The following ROCK1 variants were observed in gnomAD, a reference collection of about 807,000 sequenced individuals.
ROCK1 encodes rho-associated protein kinase 1.
A neutral mutation model predicts 196.8 loss-of-function variants in ROCK1; 36 were observed. The ratio of observed to expected loss-of-function variants is 0.18; its 90% CI spans 0.14 to 0.24. The LOEUF (loss-of-function observed/expected upper bound fraction) is 0.24, where lower values mean the gene tolerates loss of function less well. Among genes scored for constraint, ROCK1 ranks in the 10% least tolerant of loss-of-function variants. ROCK1 has a pLI of 1.00. For synonymous variants in ROCK1, 443 were observed against 515.9 expected, an observed-to-expected ratio of 0.86 and a Z score of 1.91; for missense variants, 920 against 1,562.0, an observed-to-expected ratio of 0.59 and a Z score of 6.93.
intron 1 of ROCK1, among the ~76,000 whole-genome samples, chr18:21,074,054 A>T (rs1012331452): frequency 2.0e-5 from 3 of 152,140 alleles, no homozygotes; most frequent in African/African-American, 7.2e-5. Flanking sequence ...GCTACTTGAG[A>T]GGCTGAGGCA....
chr18:21,058,861 G>C (rs1253690318), intron 2 of ROCK1, among the ~76,000 whole-genome samples: 2 of 152,114 alleles, frequency 1.3e-5, no homozygotes, highest in African/African-American at 4.8e-5. Flanking sequence ...TTACAGATGT[G>C]AGCCACTGCA....
rs181102618 is a variant in ROCK1, at chr18:21,034,905, A to G, written c.1051+4567T>C. On this transcript the variant is annotated intron_variant, in intron 9 of 32. Transcript: ENST00000399799. Reference sequence around the variant, plus strand: ...AGAGATTAATATCCAAAATTTTTAAAGAACTCCTATAACTCAACAACAACA... The same window carrying G: ...AGAGATTAATATCCAAAATTTTTAAGGAACTCCTATAACTCAACAACAACA... Among the ~76,000 whole-genome samples the G allele has an allele frequency of 3.8e-3, 582 of 152,340 alleles. 1 individual carries two copies. The highest frequency in any genetic ancestry group is 0.01 in the Middle Eastern group (3 of 294).
At chr18:21,104,648 C>T (rs554072106) in intron 1 of ROCK1, among the ~76,000 whole-genome samples, 101 of 152,038 alleles carry the variant, frequency 6.6e-4, no homozygotes, top group South Asian at 1.2e-3. Context: ...CTCTGAGCCA[C>T]GTCTCTACAC....
At chr18:21,009,318 AG>A (rs2035796788) in intron 13 of ROCK1, among the ~76,000 whole-genome samples, 1 of 149,926 alleles carries the variant, frequency 6.7e-6, no homozygotes, top group Non-Finnish European at 1.5e-5. Context: ...TGGCCAAGAC[AG>A]GTTTTTTTTT....
chr18:20,997,502 T>C (rs1219176148), intron 16 of ROCK1, among the ~76,000 whole-genome samples: 1 of 152,114 alleles, frequency 6.6e-6, no homozygotes, highest in Non-Finnish European at 1.5e-5. Flanking sequence ...ATAAAGCAGA[T>C]ATTGTTAGAG....
intron 2 of ROCK1, among the ~76,000 whole-genome samples, chr18:21,065,074 A>G (rs1281170039): frequency 6.6e-6 from 1 of 152,234 alleles, no homozygotes; most frequent in African/African-American, 2.4e-5. Flanking sequence ...CTCCCAGCAA[A>G]GAGTTATCTG....
At position 20,949,817 on chromosome 18, in the gene ROCK1, A is replaced by G. The variant is rs1450658562; in HGVS notation, c.*1567T>C. On this transcript the variant is annotated 3_prime_UTR_variant, in exon 33 of 33. Coordinates refer to ENST00000399799, the MANE Select transcript of ROCK1 (RefSeq NM_005406.3). ...TATATACAATCAGAGACTAATTTGAAGTATGTTTTCCATTCATTTCAGCCA... is the reference window on the plus strand; with the variant it reads ...TATATACAATCAGAGACTAATTTGAGGTATGTTTTCCATTCATTTCAGCCA... 11 of 152,794 alleles carry G rather than the reference A, an allele frequency of 7.2e-5. No homozygotes were observed. The highest frequency in any genetic ancestry group is 3.4e-3 in the Middle Eastern group (1 of 292). 9.5% of individuals were successfully genotyped at this position (152,794 alleles called of 1,614,324 possible).
chr18:20,972,865 G>A (rs2035442507), intron 22 of ROCK1, among the ~76,000 whole-genome samples: 1 of 152,204 alleles, frequency 6.6e-6, no homozygotes, highest in Admixed American at 6.5e-5. Context: ...AGAAAAGTGG[G>A]ATGGTGGCTA....
chr18:20,968,746 G>A (rs753050590), intron 25 of ROCK1, 26 bp downstream of exon 25: 1 of 1,354,498 alleles, frequency 7.4e-7, no homozygotes, highest in South Asian at 1.2e-5. Context: ...AAATGAACAT[G>A]TGGAAAAGAT....
chr18:21,049,511 C>T (rs867074958), intron 3 of ROCK1, among the ~76,000 whole-genome samples: 1 of 152,310 alleles, frequency 6.6e-6, no homozygotes, highest in Non-Finnish European at 1.5e-5. Context: ...ATAAAGCTTA[C>T]TGTTCTACAG....
At chr18:21,052,004 TGAGA>T (rs2036207585) in intron 2 of ROCK1, among the ~76,000 whole-genome samples, 2 of 152,172 alleles carry the variant, frequency 1.3e-5, no homozygotes, top group South Asian at 4.1e-4. Flanking sequence ...ATACCCCAGA[TGAGA>T]GAGAAAGTTC....
chr18:20,985,791 T>G (rs1266083809), intron 19 of ROCK1, among the ~76,000 whole-genome samples: 1 of 152,186 alleles, frequency 6.6e-6, no homozygotes, highest in Non-Finnish European at 1.5e-5. Flanking sequence ...TTCTTTCTAG[T>G]CCATTCTATA....
intron 21 of ROCK1, among the ~76,000 whole-genome samples, chr18:20,980,687 C>T (rs778945163): frequency 9.2e-5 from 14 of 151,898 alleles, no homozygotes; most frequent in South Asian, 2.1e-4. Context: ...GAGGCCAAGG[C>T]GGGCAGATCA....
intron 1 of ROCK1, among the ~76,000 whole-genome samples, chr18:21,107,483 T>C (rs1053211175): frequency 6.6e-6 from 1 of 152,176 alleles, no homozygotes; most frequent in Non-Finnish European, 1.5e-5. Context: ...AATAAGTAAG[T>C]ATCAGTTACA....
chr18:20,988,381 TTCA>T (rs1053649547), intron 18 of ROCK1, among the ~76,000 whole-genome samples: 97 of 152,178 alleles, frequency 6.4e-4, no homozygotes, highest in African/African-American at 2.3e-3. Context: ...TTCTATCCAA[TTCA>T]TCACTCTTCT....
intron 1 of ROCK1, among the ~76,000 whole-genome samples, chr18:21,087,445 A>C (rs1424486275): frequency 6.6e-6 from 1 of 152,216 alleles, no homozygotes; most frequent in Non-Finnish European, 1.5e-5. Flanking sequence ...CTTAAAATGC[A>C]ACAATACAGG....
intron 20 of ROCK1, among the ~76,000 whole-genome samples, chr18:20,983,525 G>T (rs2035551806): frequency 6.6e-6 from 1 of 151,864 alleles, no homozygotes; most frequent in Non-Finnish European, 1.5e-5. Flanking sequence ...TGAAAGCCTA[G>T]CAGCTAGGCT....
intron 12 of ROCK1, among the ~76,000 whole-genome samples, chr18:21,018,773 C>A (rs937678948): frequency 3.9e-5 from 6 of 152,112 alleles, no homozygotes; most frequent in Non-Finnish European, 7.4e-5. Flanking sequence ...CCAAACCCCC[C>A]ACCTGCTCTG....
At chr18:21,056,464 T>C (rs1337361603) in intron 2 of ROCK1, among the ~76,000 whole-genome samples, 1 of 152,112 alleles carries the variant, frequency 6.6e-6, no homozygotes, top group Non-Finnish European at 1.5e-5. Flanking sequence ...TTCAGGAAAA[T>C]ATGTTGGCTC....
Sources: allele counts gnomAD v4.1 joint callset (sites outside exome capture counted in the v4.1 genomes callset), GRCh38; gene constraint gnomAD v4.1.1; transcripts MANE v1.5; gene names NCBI Gene and HGNC (gene_info 2026-07-23, HGNC 2026-07-21).